The following MKLN1 variants were observed in gnomAD, a reference collection of about 807,000 sequenced individuals.
The protein encoded by MKLN1 is muskelin 1, also known as muskelin.
MKLN1 carries 18 observed loss-of-function variants against 99.0 expected under a neutral mutation model. The ratio of observed to expected loss-of-function variants is 0.18; its 90% CI spans 0.13 to 0.27. The LOEUF is 0.27. Ranked by LOEUF, MKLN1 falls within the 10% of genes least tolerant of loss-of-function variation. The pLI, the probability that MKLN1 is intolerant of heterozygous loss-of-function variation, is 1.00. For missense variants in MKLN1, 621 were observed against 875.9 expected (o/e 0.71, Z 3.67); for synonymous variants, 288 against 293.2 (o/e 0.98, Z 0.18).
At chr7:131,464,430 G>A (rs748008877) in intron 14 of MKLN1, 22 bp downstream of exon 14, 30 of 1,418,998 alleles carry the variant, frequency 2.1e-5, no homozygotes, top group Non-Finnish European at 3.0e-5. Context: ...ACATTGACCT[G>A]TAAACTTTCC....
intron 3 of MKLN1, among the ~76,000 whole-genome samples, chr7:131,283,217 A>G (rs1798077620): frequency 6.6e-6 from 1 of 152,130 alleles, no homozygotes; most frequent in South Asian, 2.1e-4. Flanking sequence ...CCTCAGAGTT[A>G]CCTGTGGGAT....
chr7:131,427,323 A>C (rs1263078167), intron 8 of MKLN1, among the ~76,000 whole-genome samples: 1 of 152,214 alleles, frequency 6.6e-6, no homozygotes, highest in Non-Finnish European at 1.5e-5. Context: ...ATAGTCTTCT[A>C]GCATTTCCAA....
chr7:131,458,576 T>A (rs1796417703), intron 12 of MKLN1, among the ~76,000 whole-genome samples: 1 of 152,192 alleles, frequency 6.6e-6, no homozygotes, highest in Admixed American at 6.5e-5. Context: ...CAAGAGTTAA[T>A]GGATCTTGAT....
intron 2 of MKLN1, among the ~76,000 whole-genome samples, chr7:131,150,605 T>C (rs886226230): frequency 6.6e-6 from 1 of 152,164 alleles, no homozygotes; most frequent in African/African-American, 2.4e-5. Context: ...TAATTGCAAG[T>C]GTAGATTGAG....
intron 1 of MKLN1, among the ~76,000 whole-genome samples, chr7:131,374,808 G>A (rs1476066252): frequency 1.3e-5 from 2 of 151,706 alleles, no homozygotes; most frequent in African/African-American, 4.8e-5. Context: ...TATTCTATAC[G>A]ATGCATGTTT....
chr7:131,262,431 C>G (rs1476441318), intron 3 of MKLN1, among the ~76,000 whole-genome samples: 1 of 151,908 alleles, frequency 6.6e-6, no homozygotes, highest in Non-Finnish European at 1.5e-5. Context: ...AGCGAGACTC[C>G]GTCTCAAAAA....
chr7:131,205,434 T>C (rs1796795656), intron 3 of MKLN1, among the ~76,000 whole-genome samples: 1 of 152,238 alleles, frequency 6.6e-6, no homozygotes, highest in Non-Finnish European at 1.5e-5. Flanking sequence ...TATTTGGTGA[T>C]ATGAAAACTG....
chr7:131,353,450 C>T (rs1473714654), intron 1 of MKLN1, among the ~76,000 whole-genome samples: 3 of 151,908 alleles, frequency 2.0e-5, no homozygotes, highest in African/African-American at 4.8e-5. Context: ...TTGCCTTTTA[C>T]CTGATGGATG....
intron 1 of MKLN1, among the ~76,000 whole-genome samples, chr7:131,369,000 TCACACA>T (rs57537888): frequency 2.5e-4 from 37 of 149,770 alleles, no homozygotes; most frequent in South Asian, 8.5e-4. Context: ...ATCTGTATAA[TCACACA>T]CACACACACA....
chr7:131,192,229 CAATATATAAATATATAAAAT>C (rs1796569526), intron 2 of MKLN1, among the ~76,000 whole-genome samples: 2 of 61,662 alleles, frequency 3.2e-5, no homozygotes, highest in African/African-American at 1.7e-4. Context: ...AAAATATATA[CAATATATAAATATATAAAAT>C]ATAATATATA....
intron 2 of MKLN1, among the ~76,000 whole-genome samples, chr7:131,163,028 T>C (rs78806354): frequency 0.053 from 8,091 of 152,294 alleles, 375 homozygotes; most frequent in African/African-American, 0.13. Flanking sequence ...ATCATCCTTC[T>C]ATTATGGGTG....
At chr7:131,145,110 T>C (rs920004318) in intron 2 of MKLN1, among the ~76,000 whole-genome samples, 4 of 152,128 alleles carry the variant, frequency 2.6e-5, no homozygotes, top group South Asian at 2.1e-4. Context: ...GACAATAACA[T>C]TGATGGCCTG....
intron 6 of MKLN1, among the ~76,000 whole-genome samples, chr7:131,408,559 G>C (rs1342168665): frequency 6.6e-6 from 1 of 152,130 alleles, no homozygotes; most frequent in East Asian, 1.9e-4. Flanking sequence ...TTCTGGGCAA[G>C]AGATTTGAAA....
chr7:131,480,763 A>G (rs996895812), intron 17 of MKLN1, among the ~76,000 whole-genome samples: 8 of 152,216 alleles, frequency 5.3e-5, no homozygotes, highest in Non-Finnish European at 1.0e-4. Flanking sequence ...GTACTGATAC[A>G]TGAATTGGGG....
At chr7:131,376,095 AATATAT>A (rs60323728) in intron 2 of MKLN1, among the ~76,000 whole-genome samples, 1,739 of 107,986 alleles carry the variant, frequency 0.016, 26 homozygotes, top group African/African-American at 0.039. Context: ...AATTCATGGA[AATATAT>A]ATATATATAT....
At chr7:131,370,127 G>A (rs531332338) in intron 1 of MKLN1, among the ~76,000 whole-genome samples, 1 of 152,310 alleles carries the variant, frequency 6.6e-6, no homozygotes, top group South Asian at 2.1e-4. Flanking sequence ...CGTGAGCCAC[G>A]GTGCCCAGCC....
intron 2 of MKLN1, among the ~76,000 whole-genome samples, chr7:131,186,242 G>T (rs778979536): frequency 6.6e-6 from 1 of 152,132 alleles, no homozygotes; most frequent in South Asian, 2.1e-4. Context: ...GGTGGCTCAC[G>T]CCAGTAATCC....
rs113901347 is a variant in MKLN1, at chr7:131,347,434, C to T, written c.98+19437C>T. ...TGGCAGGAATGAAGAGCTAGAGAAGCTGTGTATGCTGCAAGAGCATGCACG... is the reference window on the plus strand; with the variant it reads ...TGGCAGGAATGAAGAGCTAGAGAAGTTGTGTATGCTGCAAGAGCATGCACG... On this transcript the variant is annotated intron_variant, in intron 1 of 17. Coordinates refer to ENST00000352689, the MANE Select transcript of MKLN1 (RefSeq NM_013255.5). 5.5e-3 allele frequency among the ~76,000 whole-genome samples: 840 copies of T among 152,280 alleles called. 10 individuals are homozygous for T. Among genetic ancestry groups the T allele is most frequent in the African/African-American group, 0.019 (804 of 41,552 alleles).
chr7:131,405,350 A>AAT (rs1794668472), intron 6 of MKLN1, among the ~76,000 whole-genome samples: 2 of 146,080 alleles, frequency 1.4e-5, no homozygotes, highest in South Asian at 2.2e-4. Context: ...ACTTATCTTG[A>AAT]ATATATATAT....
Sources: gnomAD v4.1 joint callset for allele counts (sites outside exome capture counted in the v4.1 genomes callset) on GRCh38, gnomAD v4.1.1 for gene constraint, MANE v1.5 for transcripts, NCBI Gene and HGNC (gene_info 2026-07-23, HGNC 2026-07-21) for gene names.